VAV1: variants seen among roughly 807,000 people sequenced by gnomAD.
VAV1 encodes the protein proto-oncogene vav.
Under a neutral mutation model 128.1 loss-of-function variants are expected in VAV1, and 33 were observed. That is an observed-to-expected ratio of 0.26 (90% CI 0.20 to 0.34). VAV1 has a LOEUF of 0.34. Ranked by LOEUF, VAV1 falls within the 10% of genes least tolerant of loss-of-function variation. VAV1 has a pLI of 1.00. For missense variants in VAV1, 715 were observed against 1,093.7 expected, an observed-to-expected ratio of 0.65 and a Z score of 4.88; for synonymous variants, 394 against 409.8, an observed-to-expected ratio of 0.96 and a Z score of 0.47.
chr19:6,810,385 G>T (rs1388265148), intron 1 of VAV1, among the ~76,000 whole-genome samples: 1 of 152,056 alleles, frequency 6.6e-6, no homozygotes, highest in Non-Finnish European at 1.5e-5. Context: ...ATTCGTTCCT[G>T]GCTTGTAGAC....
In VAV1 at chr19:6,821,666, G is replaced by A; in HGVS notation, c.366G>A (p.Gln122=). 2 of 1,614,186 alleles carry A rather than the reference G, an allele frequency of 1.2e-6. No homozygotes were observed. The highest frequency in any genetic ancestry group is 1.7e-6 in the Non-Finnish European group (2 of 1,180,022). Residue 122 remains glutamine (Q), a synonymous_variant, in exon 3 of 27, where the codon CAG becomes CAA. Transcript: ENST00000602142. ...LSALSWTPIA[Q]NRGIMPFPTE... ...CTCTGTCCTGGACCCCGATCGCCCA[G>A]AACAGGGGGATCATGTGAGTAACCA... is the stretch of plus-strand genomic sequence containing the variant.
At chr19:6,784,169 G>A (rs1280283495) in intron 1 of VAV1, 10 of 571,422 alleles carry the variant, frequency 1.8e-5, no homozygotes, top group East Asian at 8.7e-5. Flanking sequence ...CAGGAGGATC[G>A]CTTGAGCCCA....
chr19:6,794,752 C>T (rs574901832), intron 1 of VAV1, among the ~76,000 whole-genome samples: 1 of 152,238 alleles, frequency 6.6e-6, no homozygotes, highest in Admixed American at 6.5e-5. Flanking sequence ...TGCTGTGAAA[C>T]AAACCACTCC....
intron 22 of VAV1, among the ~76,000 whole-genome samples, chr19:6,846,451 G>A (rs1972525838): frequency 6.6e-6 from 1 of 151,302 alleles, no homozygotes; most frequent in South Asian, 2.1e-4. Context: ...AGCTGGGCGT[G>A]GTGGTGTGCA....
chr19:6,855,868 C>T (rs564931507), intron 26 of VAV1, among the ~76,000 whole-genome samples: 3 of 152,278 alleles, frequency 2.0e-5, no homozygotes, highest in South Asian at 4.1e-4. Flanking sequence ...ATCTACCTAT[C>T]TATCCACCTA....
intron 21 of VAV1, among the ~76,000 whole-genome samples, chr19:6,837,904 T>C (rs1203912964): frequency 2.0e-5 from 3 of 152,212 alleles, no homozygotes; most frequent in African/African-American, 7.2e-5. Flanking sequence ...TATACTATTA[T>C]TTAATTCATA....
At chr19:6,824,340 C>T (rs937593108) in intron 6 of VAV1, among the ~76,000 whole-genome samples, 4 of 152,188 alleles carry the variant, frequency 2.6e-5, no homozygotes, top group African/African-American at 9.7e-5. Flanking sequence ...CAACCACGAG[C>T]TTACTCGCTG....
At position 6,841,726 on chromosome 19, in the gene VAV1, G is replaced by A. The variant is rs549576760; in HGVS notation, c.1981-1409G>A. 2.6e-5 allele frequency among the ~76,000 whole-genome samples: 4 copies of A among 151,268 alleles called. No homozygotes were observed. The East Asian group carries it at 5.9e-4, about 22-fold the overall frequency. ...CCTGACCTCGTGATCCGCCTGCCTC[G>A]GCCTCCCAAAGTGCTGGGATTACAG... is the stretch of plus-strand genomic sequence containing the variant. On this transcript the variant is annotated intron_variant, in intron 21 of 26. Coordinates refer to ENST00000602142, the MANE Select transcript of VAV1 (RefSeq NM_005428.4).
chr19:6,814,672 C>CTTTCTTTCTTTCT (rs1261133024), intron 1 of VAV1, among the ~76,000 whole-genome samples: 2 of 70,816 alleles, frequency 2.8e-5, no homozygotes, highest in Admixed American at 3.2e-4. Context: ...TCCTTCCTTC[C>CTTTCTTTCTTTCT]TTTCTTTCTT....
At chr19:6,844,933 CT>C (rs1312106944) in intron 22 of VAV1, among the ~76,000 whole-genome samples, 2 of 151,840 alleles carry the variant, frequency 1.3e-5, no homozygotes, top group African/African-American at 2.4e-5. Context: ...TCCAATAGAG[CT>C]GGGAGTAAGA....
At chr19:6,805,583 TACACAC>T (rs55732746) in intron 1 of VAV1, among the ~76,000 whole-genome samples, 3 of 139,096 alleles carry the variant, frequency 2.2e-5, no homozygotes, top group African/African-American at 5.3e-5. Context: ...TTTCTACAGA[TACACAC>T]ACACACACAC....
intron 1 of VAV1, among the ~76,000 whole-genome samples, chr19:6,792,445 C>A (rs78138486): frequency 0.028 from 4,211 of 151,526 alleles, 192 homozygotes; most frequent in African/African-American, 0.096. Context: ...TAGGGACTTG[C>A]GTGAATTAGG....
intron 6 of VAV1, among the ~76,000 whole-genome samples, chr19:6,824,384 A>G (rs1971865510): frequency 6.6e-6 from 1 of 152,186 alleles, no homozygotes. Flanking sequence ...GACATTTCAT[A>G]TAAAGGGCAT....
rs994455834 is a variant in VAV1, at chr19:6,836,154, A to C, written c.1778-278A>C. ...CTCCCAAAGTGCTGGGATTACAGAC[A>C]TGAGCCACCGTGCCCAGCCAGGACA... On this transcript the variant is annotated intron_variant, in intron 19 of 26. Coordinates refer to ENST00000602142, the MANE Select transcript of VAV1 (RefSeq NM_005428.4). The C allele has an allele frequency of 1.0e-4, 30 of 300,390 alleles. 1 individual carries two copies. The highest frequency in any genetic ancestry group is 6.2e-4 in the South Asian group (17 of 27,552). The allele number at this position is 300,390 out of a possible 1,614,324, so 18.6% of individuals were successfully genotyped here. A position where few individuals can be genotyped will look rare whatever the true frequency, so the allele number is the denominator to read the frequency against.
At chr19:6,812,325 A>G (rs1478453949) in intron 1 of VAV1, among the ~76,000 whole-genome samples, 1 of 152,286 alleles carries the variant, frequency 6.6e-6, no homozygotes, top group East Asian at 1.9e-4. Flanking sequence ...TGATGAGTGA[A>G]GATTGGAAGC....
intron 1 of VAV1, among the ~76,000 whole-genome samples, chr19:6,776,049 C>T (rs911713723): frequency 1.3e-5 from 2 of 151,880 alleles, no homozygotes; most frequent in African/African-American, 4.8e-5. Context: ...TCCAATTATC[C>T]ATCCATCTAC....
intron 9 of VAV1, chr19:6,827,012 A>C: frequency 2.8e-6 from 1 of 353,970 alleles, no homozygotes; most frequent in East Asian, 4.8e-5. Context: ...TTGTACCCCA[A>C]GTCGGGCTGA....
intron 6 of VAV1, among the ~76,000 whole-genome samples, chr19:6,824,235 C>T (rs957104742): frequency 2.6e-5 from 4 of 152,088 alleles, no homozygotes; most frequent in Admixed American, 6.6e-5. Flanking sequence ...GCCACCACCC[C>T]GGCCTTAATT....
At chr19:6,787,219 A>C (rs991248887) in intron 1 of VAV1, among the ~76,000 whole-genome samples, 5 of 152,090 alleles carry the variant, frequency 3.3e-5, no homozygotes, top group Non-Finnish European at 5.9e-5. Flanking sequence ...TCTGTCACCA[A>C]GGCTGGAGTG....
Sources: gnomAD v4.1 joint callset for allele counts (sites outside exome capture counted in the v4.1 genomes callset) on GRCh38, gnomAD v4.1.1 for gene constraint, MANE v1.5 for transcripts, NCBI Gene and HGNC (gene_info 2026-07-23, HGNC 2026-07-21) for gene names.